Variants in TRPM3 observed in about 807,000 individuals in gnomAD.
TRPM3 encodes the protein transient receptor potential cation channel subfamily M member 3.
TRPM3 carries 77 observed loss-of-function variants against 181.2 expected under a neutral mutation model. That is an observed-to-expected ratio of 0.42 (90% CI 0.35 to 0.51). The LOEUF (loss-of-function observed/expected upper bound fraction) is 0.51, where lower values mean the gene tolerates loss of function less well. Ranked by LOEUF, TRPM3 falls within the 20% of genes least tolerant of loss-of-function variation. The pLI is 0.01. For missense variants in TRPM3, 1,759 were observed against 2,196.7 expected (o/e 0.80, Z 3.98); for synonymous variants, 745 against 796.4 (o/e 0.94, Z 1.09).
rs534676001 is a variant in TRPM3 at position 71,361,549 on chromosome 9, T to C, written c.183+85104A>G. 6.5e-4 allele frequency among the ~76,000 whole-genome samples: 99 copies of C among 152,310 alleles called. 1 individual carries two copies. In the South Asian group the frequency reaches 7.9e-3, roughly 12 times the overall value. ...GTAGTAACTACAGGAGTTTTACATA[T>C]GAAGGGCTCAGGTATGTCAAGCTGG... On this transcript the variant is annotated intron_variant, in intron 1 of 24. Transcript: ENST00000357533.
chr9:70,537,154 G>A lies in TRPM3; in HGVS notation c.3959C>T (p.Thr1320Ile), dbSNP rs377436630. 1 of 1,590,008 alleles carries A rather than the reference G, an allele frequency of 6.3e-7. No individual in the cohort carries two copies. Among genetic ancestry groups the A allele is most frequent in the Non-Finnish European group, 8.6e-7 (1 of 1,162,306 alleles). ...QSSFNSQEGN[T>I]FKLQESIDPA... The stretch of plus-strand genomic sequence containing the variant: ...GTCTATACTCTCTTGGAGCTTGAAG[G>A]TGTTCCCTTCCTGGCTGTTGAAGCT... The change falls in exon 26 of 26, where the codon ACC becomes ATC. Residue 1320 changes from threonine to isoleucine, a missense_variant. Coordinates refer to ENST00000677713, the MANE Select transcript of TRPM3 (RefSeq NM_001366145.2).
At chr9:70,913,933 C>A (rs1222349776) in intron 1 of TRPM3, among the ~76,000 whole-genome samples, 1 of 152,136 alleles carries the variant, frequency 6.6e-6, no homozygotes, top group Non-Finnish European at 1.5e-5. Context: ...TAGAAAAGAT[C>A]AGGTCAAAGA....
chr9:70,836,897 T>C (rs1320627709), intron 5 of TRPM3, among the ~76,000 whole-genome samples: 2 of 152,186 alleles, frequency 1.3e-5, no homozygotes, highest in South Asian at 2.1e-4. Context: ...TAGGTAGATA[T>C]CTCAAAGGAA....
At chr9:70,870,338 A>T (rs2095761427) in intron 1 of TRPM3, among the ~76,000 whole-genome samples, 1 of 152,002 alleles carries the variant, frequency 6.6e-6, no homozygotes, top group Non-Finnish European at 1.5e-5. Flanking sequence ...ACAATAAACT[A>T]CCTAGTGACT....
rs767182822 is a variant in TRPM3, at chr9:70,553,141, C to T, written c.3374+19G>A. 2 of 1,613,994 alleles carry T rather than the reference C, an allele frequency of 1.2e-6. No homozygotes were observed. The highest frequency in any genetic ancestry group is 3.3e-5 in the Admixed American group (2 of 60,004). ...CTGCTGTCCTCATCCATCCCACGTG[C>T]TCCAAAGGACCCACTTACTTAAAGA... On this transcript the variant is annotated intron_variant, in intron 23 of 25. Transcript: ENST00000677713.
chr9:71,330,323 G>T (rs565447091), intron 1 of TRPM3, among the ~76,000 whole-genome samples: 1 of 151,970 alleles, frequency 6.6e-6, no homozygotes, highest in African/African-American at 2.4e-5. Context: ...AAAGTTTTCA[G>T]TTCTGTGTAG....
At chr9:71,071,880 T>C (rs1294314861) in intron 1 of TRPM3, among the ~76,000 whole-genome samples, 1 of 152,162 alleles carries the variant, frequency 6.6e-6, no homozygotes, top group African/African-American at 2.4e-5. Context: ...AGGGAATCAA[T>C]ACACTTCAGG....
intron 21 of TRPM3, among the ~76,000 whole-genome samples, chr9:70,596,188 T>C (rs1179374378): frequency 6.6e-6 from 1 of 152,204 alleles, no homozygotes; most frequent in Non-Finnish European, 1.5e-5. Context: ...GCATTTATTA[T>C]ACATCACTAC....
chr9:70,784,185 G>A lies in TRPM3; in HGVS notation c.1068C>T (p.Pro356=), dbSNP rs150681432. Residue 356 remains proline, a synonymous_variant, in exon 7 of 26, where the codon CCC becomes CCT. Transcript: ENST00000677713. ...IVLEYLRDTP[P]VPVVVCDGSG... ...TCCCATCACAGACAACCACTGGCAC[G>A]GGAGGGGTGTCTCGAAGGTACTCCA... 43 of 1,613,612 alleles carry A rather than the reference G, an allele frequency of 2.7e-5. No individual in the cohort carries two copies. The highest frequency in any genetic ancestry group is 3.2e-5 in the Non-Finnish European group (38 of 1,179,822).
chr9:70,862,495 T>C (rs1274467563), intron 3 of TRPM3, among the ~76,000 whole-genome samples: 2 of 152,070 alleles, frequency 1.3e-5, no homozygotes, highest in Non-Finnish European at 2.9e-5. Context: ...GAAATGCTAG[T>C]TACCAACAGA....
chr9:70,834,889 G>A (rs2094200763), intron 5 of TRPM3, among the ~76,000 whole-genome samples: 1 of 152,216 alleles, frequency 6.6e-6, no homozygotes, highest in Non-Finnish European at 1.5e-5. Flanking sequence ...GCCTGATATA[G>A]TTTGAGTGCT....
intron 1 of TRPM3, among the ~76,000 whole-genome samples, chr9:70,960,382 C>G (rs2097125415): frequency 6.6e-6 from 1 of 152,168 alleles, no homozygotes; most frequent in African/African-American, 2.4e-5. Flanking sequence ...AAAAAGGTCT[C>G]TCTGAAAGAT....
intron 1 of TRPM3, among the ~76,000 whole-genome samples, chr9:71,028,542 T>A (rs1159588685): frequency 6.6e-6 from 1 of 150,730 alleles, no homozygotes; most frequent in Non-Finnish European, 1.5e-5. Flanking sequence ...AACCAAAACC[T>A]AGTGATATGC....
At chr9:70,953,625 T>G (rs1163658004) in intron 1 of TRPM3, among the ~76,000 whole-genome samples, 1 of 152,144 alleles carries the variant, frequency 6.6e-6, no homozygotes, top group Non-Finnish European at 1.5e-5. Context: ...ACTACAGAAT[T>G]TGGTTACAAA....
chr9:71,177,598 T>C lies in TRPM3; in HGVS notation c.183+269055A>G, dbSNP rs542126012. 1.4e-4 allele frequency among the ~76,000 whole-genome samples: 22 copies of C among 152,298 alleles called. No individual in the cohort carries two copies. In the South Asian group the frequency reaches 1.5e-3, roughly 10 times the overall value. ...TTAAAGACCTAAGTTTTCACACATG[T>C]AAACAGAATCTTGAGTCATTCATGT... On this transcript the variant is annotated intron_variant, in intron 1 of 24. Coordinates refer to the TRPM3 transcript ENST00000357533.
intron 1 of TRPM3, among the ~76,000 whole-genome samples, chr9:71,199,160 T>C (rs11536899): frequency 0.27 from 39,654 of 148,628 alleles, 5,487 homozygotes; most frequent in East Asian, 0.34. Flanking sequence ...GTTCTGTTTA[T>C]ATGCTGGATT....
chr9:71,365,064 G>C (rs1468216705), intron 1 of TRPM3, among the ~76,000 whole-genome samples: 5 of 152,104 alleles, frequency 3.3e-5, no homozygotes. Context: ...ACAAAGAAAA[G>C]GTACACAAGG....
chr9:71,388,983 T>A (rs747040844), intron 1 of TRPM3, among the ~76,000 whole-genome samples: 1 of 151,922 alleles, frequency 6.6e-6, no homozygotes, highest in Non-Finnish European at 1.5e-5. Context: ...AAGGAGAAAA[T>A]AACAAAATGT....
rs2060187267 is a variant in TRPM3, at chr9:71,052,649, T to C, written c.177+68529A>G. ...ATTTTGAGACTTGCTGCCACGTCCA[T>C]TCAAACAAACCAGATAACCATTCAA... On this transcript the variant is annotated intron_variant, in intron 1 of 25. Coordinates refer to ENST00000677713, the MANE Select transcript of TRPM3 (RefSeq NM_001366145.2). Among the ~76,000 whole-genome samples, 4 of 152,056 alleles carry C rather than the reference T, an allele frequency of 2.6e-5. No homozygotes were observed. In the South Asian group the frequency reaches 8.3e-4, roughly 32 times the overall value.
Sources: gnomAD v4.1 joint callset for allele counts (sites outside exome capture counted in the v4.1 genomes callset) on GRCh38, gnomAD v4.1.1 for gene constraint, MANE v1.5 for transcripts, NCBI Gene and HGNC (gene_info 2026-07-23, HGNC 2026-07-21) for gene names.